The following THSD7B variants were observed in gnomAD, a reference collection of about 807,000 sequenced individuals.
THSD7B encodes the protein thrombospondin type-1 domain-containing protein 7B.
THSD7B carries 138 observed loss-of-function variants against 213.6 expected under a neutral mutation model. The observed-to-expected ratio is 0.65, with a 90% CI of 0.56 to 0.74. The LOEUF is 0.74. Ranked by LOEUF, THSD7B falls within the 30% of genes least tolerant of loss-of-function variation. The pLI is 0.00. For synonymous variants in THSD7B, 742 were observed against 687.0 expected, an observed-to-expected ratio of 1.08 and a Z score of -1.25; for missense variants, 1,931 against 1,991.5, an observed-to-expected ratio of 0.97 and a Z score of 0.58.
chr2:136,894,476 G>A (rs943768105), intron 2 of THSD7B, among the ~76,000 whole-genome samples: 2 of 152,086 alleles, frequency 1.3e-5, no homozygotes, highest in Admixed American at 1.3e-4. Context: ...TTAACCTTAT[G>A]CCTCTACCTT....
intron 12 of THSD7B, among the ~76,000 whole-genome samples, chr2:137,339,860 G>A (rs1684720726): frequency 1.3e-5 from 2 of 151,438 alleles, no homozygotes; most frequent in Admixed American, 6.6e-5. Flanking sequence ...GTTAAGGAAA[G>A]AGGGAAAAGA....
intron 1 of THSD7B, among the ~76,000 whole-genome samples, chr2:136,778,934 G>GC (rs1681668275): frequency 6.6e-6 from 1 of 152,124 alleles, no homozygotes; most frequent in Non-Finnish European, 1.5e-5. Context: ...GAAAAAGAAT[G>GC]CATCAGCTCA....
intron 2 of THSD7B, among the ~76,000 whole-genome samples, chr2:136,899,822 G>C (rs905530970): frequency 2.6e-5 from 4 of 152,164 alleles, no homozygotes; most frequent in Admixed American, 2.6e-4. Flanking sequence ...TTCAAATGAA[G>C]TATAAGTTCT....
intron 12 of THSD7B, among the ~76,000 whole-genome samples, chr2:137,367,750 C>A (rs1353683646): frequency 1.3e-5 from 2 of 152,148 alleles, no homozygotes; most frequent in Non-Finnish European, 2.9e-5. Flanking sequence ...TCCTGGCTTG[C>A]AGATGGACAC....
intron 20 of THSD7B, among the ~76,000 whole-genome samples, chr2:137,632,171 C>T (rs1410637730): frequency 1.3e-5 from 2 of 151,820 alleles, no homozygotes; most frequent in African/African-American, 2.4e-5. Flanking sequence ...TGTACATGGC[C>T]CTGGGTTGCA....
chr2:137,646,059 C>T (rs1683025705), intron 21 of THSD7B, among the ~76,000 whole-genome samples: 1 of 152,096 alleles, frequency 6.6e-6, no homozygotes, highest in Non-Finnish European at 1.5e-5. Context: ...TCATAACAGG[C>T]ATAGAAATTA....
At chr2:136,851,324 T>C (rs1456503107) in intron 1 of THSD7B, among the ~76,000 whole-genome samples, 6 of 152,148 alleles carry the variant, frequency 3.9e-5, no homozygotes, top group African/African-American at 1.4e-4. Flanking sequence ...ATCATTTGCA[T>C]GGTATATAGC....
intron 4 of THSD7B, among the ~76,000 whole-genome samples, chr2:137,103,913 T>A (rs1428557148): frequency 6.6e-6 from 1 of 152,164 alleles, no homozygotes; most frequent in Admixed American, 6.5e-5. Flanking sequence ...ACAAAGAGAC[T>A]TAGACTCCCA....
intron 1 of THSD7B, among the ~76,000 whole-genome samples, chr2:136,874,918 T>C (rs1683501378): frequency 6.6e-6 from 1 of 152,218 alleles, no homozygotes; most frequent in Non-Finnish European, 1.5e-5. Context: ...TAGCATTTTT[T>C]TTTTCATTTG....
intron 12 of THSD7B, among the ~76,000 whole-genome samples, chr2:137,378,140 AAAC>A (rs1184997189): frequency 6.6e-6 from 1 of 152,172 alleles, no homozygotes; most frequent in Admixed American, 6.6e-5. Flanking sequence ...GATCTATTAA[AAAC>A]AACAAAAAAA....
At chr2:136,939,308 G>A (rs1186507047) in intron 2 of THSD7B, among the ~76,000 whole-genome samples, 1 of 152,096 alleles carries the variant, frequency 6.6e-6, no homozygotes, top group Non-Finnish European at 1.5e-5. Flanking sequence ...GTTATTCTCT[G>A]CTCTCTTGAT....
intron 1 of THSD7B, among the ~76,000 whole-genome samples, chr2:136,787,624 T>C (rs1414287731): frequency 6.6e-6 from 1 of 152,136 alleles, no homozygotes; most frequent in African/African-American, 2.4e-5. Context: ...GAATATGAAG[T>C]TTTTCTTGGC....
chr2:136,966,549 T>A (rs534617), intron 2 of THSD7B, among the ~76,000 whole-genome samples: 73,766 of 152,102 alleles, frequency 0.48, 19,237 homozygotes, highest in Non-Finnish European at 0.58. Context: ...TTTTTTATTT[T>A]TATTTGAAAA....
intron 2 of THSD7B, among the ~76,000 whole-genome samples, chr2:136,969,874 CAGAT>C (rs1191936087): frequency 2.0e-5 from 3 of 152,098 alleles, no homozygotes; most frequent in African/African-American, 7.2e-5. Context: ...TATAATTAGA[CAGAT>C]GGGAATCTTT....
rs374867899 is a variant in THSD7B, at chr2:136,965,869, G to A, written c.139+83552G>A. On this transcript the variant is annotated intron_variant, in intron 2 of 27. Coordinates refer to ENST00000409968, the MANE Select transcript of THSD7B (RefSeq NM_001316349.2). ...TTATGGTATTTCCCACGTGGTAGGT[G>A]CTTAATATATGATTTTAAAAAAATT... 3.9e-5 allele frequency among the ~76,000 whole-genome samples: 6 copies of A among 152,094 alleles called. No homozygotes were observed. The East Asian group carries it at 1.2e-3, about 29-fold the overall frequency.
chr2:136,856,236 G>A (rs550232190), intron 1 of THSD7B, among the ~76,000 whole-genome samples: 1 of 152,244 alleles, frequency 6.6e-6, no homozygotes, highest in East Asian at 1.9e-4. Flanking sequence ...TTAGCAAGAG[G>A]GAATCAGATA....
intron 1 of THSD7B, among the ~76,000 whole-genome samples, chr2:136,835,311 A>G (rs553573550): frequency 6.6e-6 from 1 of 152,340 alleles, no homozygotes; most frequent in East Asian, 1.9e-4. Context: ...GAGCTCTTTA[A>G]TTGAGTCCAG....
chr2:137,254,926 GA>G (rs1448748937), intron 10 of THSD7B, among the ~76,000 whole-genome samples: 4 of 151,918 alleles, frequency 2.6e-5, no homozygotes, highest in Non-Finnish European at 4.4e-5. Context: ...GAGAAAGAGT[GA>G]GGGGGGGCTC....
intron 2 of THSD7B, among the ~76,000 whole-genome samples, chr2:136,995,619 A>C (rs1685870807): frequency 6.6e-6 from 1 of 152,154 alleles, no homozygotes; most frequent in Admixed American, 6.5e-5. Flanking sequence ...GATGTGAATC[A>C]ATATCAAAGG....
Sources: gnomAD v4.1 joint callset for allele counts (sites outside exome capture counted in the v4.1 genomes callset) on GRCh38, gnomAD v4.1.1 for gene constraint, MANE v1.5 for transcripts, NCBI Gene and HGNC (gene_info 2026-07-23, HGNC 2026-07-21) for gene names.